Variants in PPFIBP1 observed in about 807,000 individuals in gnomAD.
PPFIBP1 encodes the protein PPFIB scaffold protein 1, also known as liprin-beta-1.
In PPFIBP1, 112 loss-of-function variants were observed where a neutral mutation model predicts 137.8. The observed-to-expected ratio is 0.81, with a 90% CI of 0.70 to 0.95. The LOEUF is 0.95. PPFIBP1 is among the 40% of genes least tolerant of loss of function. The probability of loss-of-function intolerance (pLI) is 0.00; values close to 1 mark genes in which losing one functional copy is unlikely to be tolerated. For synonymous variants in PPFIBP1, 378 were observed against 417.3 expected (o/e 0.91, Z 1.15); for missense variants, 1,083 against 1,196.6 (o/e 0.91, Z 1.40).
intron 2 of PPFIBP1, among the ~76,000 whole-genome samples, chr12:27,624,367 TCAACTTGTCA>T (rs2056624256): frequency 6.6e-6 from 1 of 152,238 alleles, no homozygotes; most frequent in Admixed American, 6.5e-5. Flanking sequence ...CAGCTTTCTT[TCAACTTGTCA>T]CAACTTATCA....
intron 2 of PPFIBP1, among the ~76,000 whole-genome samples, chr12:27,604,840 A>T (rs2054351691): frequency 6.6e-6 from 1 of 152,228 alleles, no homozygotes; most frequent in Admixed American, 6.5e-5. Context: ...TAACAGTTCC[A>T]TGTGGCTGGG....
At chr12:27,581,012 A>G (rs759049151) in intron 2 of PPFIBP1, among the ~76,000 whole-genome samples, 20 of 151,800 alleles carry the variant, frequency 1.3e-4, no homozygotes, top group Admixed American at 2.6e-4. Context: ...CTCCCACGTC[A>G]GTCTCCTGAG....
At chr12:27,672,343 G>A (rs781356699) in intron 14 of PPFIBP1, 84 bp from the exon 15 acceptor site, 7 of 1,080,460 alleles carry the variant, frequency 6.5e-6, no homozygotes, top group Non-Finnish European at 8.1e-6. Flanking sequence ...ATAATTTTTT[G>A]TTTTTGACTT....
chr12:27,687,262 G>T (rs2061259106), intron 24 of PPFIBP1, 123 bp from the exon 25 acceptor site: 9 of 1,176,024 alleles, frequency 7.7e-6, no homozygotes, highest in Non-Finnish European at 1.0e-5. Context: ...GTTCTGACAA[G>T]ACCTTGGGGC....
chr12:27,652,829 T>G (rs2058957801), intron 7 of PPFIBP1, among the ~76,000 whole-genome samples: 1 of 152,318 alleles, frequency 6.6e-6, no homozygotes, highest in Middle Eastern at 3.4e-3. Flanking sequence ...TAAGGACTCA[T>G]ATTATGCAAG....
chr12:27,623,281 G>T (rs2056505999), intron 2 of PPFIBP1, among the ~76,000 whole-genome samples: 1 of 152,182 alleles, frequency 6.6e-6, no homozygotes, highest in South Asian at 2.1e-4. Context: ...TAGGAATAAT[G>T]TCATTCCAAA....
At chr12:27,586,639 G>A (rs2051788219) in intron 2 of PPFIBP1, among the ~76,000 whole-genome samples, 2 of 152,042 alleles carry the variant, frequency 1.3e-5, no homozygotes, top group South Asian at 4.1e-4. Flanking sequence ...AGAGGTTGCA[G>A]TGAGCAGAGA....
intron 2 of PPFIBP1, among the ~76,000 whole-genome samples, chr12:27,597,983 T>A (rs1033750826): frequency 6.6e-6 from 1 of 152,096 alleles, no homozygotes; most frequent in Non-Finnish European, 1.5e-5. Context: ...TTTTTGTTTT[T>A]TAGTAGAGAC....
chr12:27,543,535 A>G (rs1945887459), intron 1 of PPFIBP1, among the ~76,000 whole-genome samples: 2 of 152,174 alleles, frequency 1.3e-5, no homozygotes, highest in Admixed American at 1.3e-4. Context: ...ACCTTTTGGT[A>G]GGAAGGGAGA....
intron 2 of PPFIBP1, among the ~76,000 whole-genome samples, chr12:27,625,091 C>T (rs905301141): frequency 1.3e-5 from 2 of 151,938 alleles, no homozygotes; most frequent in East Asian, 1.9e-4. Flanking sequence ...GGCAACATGG[C>T]GAAACCCTGT....
chr12:27,540,263 T>C (rs1317384436), intron 1 of PPFIBP1, among the ~76,000 whole-genome samples: 2 of 150,844 alleles, frequency 1.3e-5, no homozygotes, highest in African/African-American at 2.4e-5. Flanking sequence ...AAAATATCAG[T>C]AGTACTGAGG....
intron 2 of PPFIBP1, among the ~76,000 whole-genome samples, chr12:27,578,841 C>T (rs1195109862): frequency 6.6e-6 from 1 of 152,172 alleles, no homozygotes; most frequent in African/African-American, 2.4e-5. Flanking sequence ...TACTTATTAC[C>T]TTATCTTCAA....
intron 3 of PPFIBP1, among the ~76,000 whole-genome samples, chr12:27,634,139 C>CT (rs375816732): frequency 0.033 from 3,685 of 111,590 alleles, 180 homozygotes; most frequent in African/African-American, 0.1. Flanking sequence ...CCGGCCATAT[C>CT]TTTTTTTTTT....
rs921769876 is a variant in PPFIBP1, at chr12:27,677,073, G to T, written c.1592G>T (p.Arg531Leu). The change falls in exon 19 of 30, where the codon CGA (arginine) becomes CTA (leucine). Residue 531 changes from arginine (R) to leucine (L), a missense_variant. By Grantham distance (102) the Arg-to-Leu change is moderately radical. Coordinates refer to ENST00000228425, the MANE Select transcript of PPFIBP1 (RefSeq NM_003622.4). ...GTTGGGATATCTGAAGATCGTAAAC[G>T]AAGTGCCAGTGCACCCACCCTAGGT... ...TASAPNLDRK[R>L]SASAPTLAET... 5.0e-6 allele frequency: 8 copies of T among 1,614,144 alleles called. No individual in the cohort carries two copies. Among genetic ancestry groups the T allele is most frequent in the Non-Finnish European group, 6.8e-6 (8 of 1,180,018 alleles).
At chr12:27,591,256 T>C (rs1159251961) in intron 2 of PPFIBP1, among the ~76,000 whole-genome samples, 1 of 152,036 alleles carries the variant, frequency 6.6e-6, no homozygotes, top group African/African-American at 2.4e-5. Context: ...ACATAAACTC[T>C]GAAGGTCACA....
intron 2 of PPFIBP1, among the ~76,000 whole-genome samples, chr12:27,624,631 G>A (rs7979681): frequency 1.8e-4 from 28 of 152,166 alleles, no homozygotes; most frequent in South Asian, 4.2e-4. Context: ...ATTTTGTGGC[G>A]TTTCATTTTA....
chr12:27,672,388 C>A, intron 14 of PPFIBP1, 39 bp from the exon 15 acceptor site: 2 of 1,508,450 alleles, frequency 1.3e-6, no homozygotes, highest in South Asian at 1.2e-5. Context: ...GTCTTTTATT[C>A]GTGAAGTTAA....
chr12:27,581,762 GTTTGT>G (rs971839450), intron 2 of PPFIBP1, among the ~76,000 whole-genome samples: 3 of 152,054 alleles, frequency 2.0e-5, no homozygotes, highest in Non-Finnish European at 1.5e-5. Context: ...GTCACATGTT[GTTTGT>G]TTTGTGCTTA....
chr12:27,541,562 C>A (rs1466958887), intron 1 of PPFIBP1, among the ~76,000 whole-genome samples: 2 of 152,154 alleles, frequency 1.3e-5, no homozygotes, highest in African/African-American at 4.8e-5. Context: ...CTCTTTGAGG[C>A]TGCAGGCTGT....
Sources: gnomAD v4.1 joint callset for allele counts (sites outside exome capture counted in the v4.1 genomes callset) on GRCh38, gnomAD v4.1.1 for gene constraint, MANE v1.5 for transcripts, NCBI Gene and HGNC (gene_info 2026-07-23, HGNC 2026-07-21) for gene names.